The following EPHA5 variants were observed in gnomAD, a reference collection of about 807,000 sequenced individuals.
EPHA5 encodes EPH receptor A5.
EPHA5 carries 60 observed loss-of-function variants against 105.0 expected under a neutral mutation model. The ratio of observed to expected loss-of-function variants is 0.57; its 90% CI spans 0.46 to 0.71. The LOEUF is 0.71. Among genes scored for constraint, EPHA5 ranks in the 30% least tolerant of loss-of-function variants. The pLI is 0.00. For synonymous variants in EPHA5, 513 were observed against 449.1 expected (o/e 1.14, Z -1.80); for missense variants, 1,218 against 1,274.7 (o/e 0.96, Z 0.68).
chr4:65,492,857 T>A (rs1731547635), intron 4 of EPHA5, among the ~76,000 whole-genome samples: 1 of 152,164 alleles, frequency 6.6e-6, no homozygotes, highest in Non-Finnish European at 1.5e-5. Context: ...CGTGTTCTTG[T>A]TTACTATAAA....
At chr4:65,461,468 A>G (rs1001910688) in intron 5 of EPHA5, among the ~76,000 whole-genome samples, 1 of 152,070 alleles carries the variant, frequency 6.6e-6, no homozygotes, top group African/African-American at 2.4e-5. Context: ...TTTTCGATAT[A>G]CAAATTTACT....
intron 5 of EPHA5, among the ~76,000 whole-genome samples, chr4:65,458,881 G>C (rs1300931110): frequency 6.6e-6 from 1 of 151,992 alleles, no homozygotes; most frequent in Admixed American, 6.5e-5. Context: ...AATTTGAGAT[G>C]AATATCGTCA....
chr4:65,495,569 C>T (rs902017587), intron 3 of EPHA5, 26 bp from the exon 4 acceptor site: 7 of 1,592,360 alleles, frequency 4.4e-6, no homozygotes, highest in Non-Finnish European at 6.0e-6. Flanking sequence ...AGAGACTAAG[C>T]TTTTCCCTGG....
chr4:65,402,908 G>A (rs569279122), intron 8 of EPHA5, among the ~76,000 whole-genome samples: 1 of 152,256 alleles, frequency 6.6e-6, no homozygotes, highest in East Asian at 1.9e-4. Context: ...AGGGATATAG[G>A]TTGTGCATTC....
chr4:65,471,582 C>T (rs1279858276), intron 5 of EPHA5, among the ~76,000 whole-genome samples: 1 of 152,136 alleles, frequency 6.6e-6, no homozygotes, highest in African/African-American at 2.4e-5. Context: ...TACAGTTCCA[C>T]ATGGCTGGGA....
Position 65,669,578 on chromosome 4 carries a change from G to T in EPHA5, c.165C>A (p.Ala55=). Residue 55 remains alanine, a synonymous_variant, in exon 1 of 17, where the codon GCC becomes GCA. Coordinates refer to ENST00000613740, the MANE Select transcript of EPHA5 (RefSeq NM_001281766.3). ...LLCAALRTLL[A]SPSNEVNLLD... ...TCTCCCTACCTTCGTTGCTGGGGCT[G>T]GCCAGGAGGGTCCGGAGTGCGGCGC... is the stretch of plus-strand genomic sequence containing the variant. 1 of 1,425,966 alleles carries T rather than the reference G, an allele frequency of 7.0e-7. No homozygotes were observed. 88.3% of individuals were successfully genotyped at this position (1,425,966 alleles called of 1,614,324 possible).
chr4:65,577,218 C>T (rs1024633217), intron 3 of EPHA5, among the ~76,000 whole-genome samples: 1 of 152,024 alleles, frequency 6.6e-6, no homozygotes, highest in Non-Finnish European at 1.5e-5. Context: ...TTTACGGGTG[C>T]ACTTTATATT....
intron 8 of EPHA5, among the ~76,000 whole-genome samples, chr4:65,387,391 T>C (rs1329013400): frequency 2.6e-5 from 4 of 151,982 alleles, no homozygotes; most frequent in African/African-American, 9.7e-5. Flanking sequence ...ATACAGAAGT[T>C]CCTTCTCATT....
intron 1 of EPHA5, among the ~76,000 whole-genome samples, chr4:65,662,099 G>A (rs1161101319): frequency 6.6e-6 from 1 of 152,054 alleles, no homozygotes; most frequent in Non-Finnish European, 1.5e-5. Context: ...GTGGAGGATG[G>A]AAGGAGGGAG....
chr4:65,326,713 T>C (rs1222839399), intron 16 of EPHA5, among the ~76,000 whole-genome samples: 2 of 151,342 alleles, frequency 1.3e-5, no homozygotes, highest in African/African-American at 4.8e-5. Context: ...TTAAAACATG[T>C]GTTTTATCAT....
intron 3 of EPHA5, among the ~76,000 whole-genome samples, chr4:65,507,035 A>T (rs1364979151): frequency 1.3e-5 from 2 of 152,070 alleles, no homozygotes; most frequent in Non-Finnish European, 2.9e-5. Context: ...TCTTGAATTA[A>T]TTTTTTTATA....
At chr4:65,630,390 A>G (rs1746524016) in intron 2 of EPHA5, among the ~76,000 whole-genome samples, 1 of 152,138 alleles carries the variant, frequency 6.6e-6, no homozygotes. Context: ...GCACAACTCC[A>G]GTAAATACAC....
intron 1 of EPHA5, among the ~76,000 whole-genome samples, chr4:65,646,395 T>C (rs1157548174): frequency 3.3e-5 from 5 of 152,232 alleles, no homozygotes; most frequent in East Asian, 1.9e-4. Flanking sequence ...CTAATCAGCA[T>C]ACACCAGTGG....
At chr4:65,490,970 A>T (rs976816890) in intron 4 of EPHA5, among the ~76,000 whole-genome samples, 1 of 152,194 alleles carries the variant, frequency 6.6e-6, no homozygotes, top group African/African-American at 2.4e-5. Flanking sequence ...GTAAACAATT[A>T]TGGAGTAAAA....
chr4:65,392,434 T>A (rs1376415), intron 8 of EPHA5, among the ~76,000 whole-genome samples: 37,720 of 151,984 alleles, frequency 0.25, 6,262 homozygotes, highest in African/African-American at 0.47. Context: ...GAGATTAAAA[T>A]GTTTTCATAA....
At chr4:65,503,920 C>CAG (rs1451390278) in intron 3 of EPHA5, among the ~76,000 whole-genome samples, 1 of 150,918 alleles carries the variant, frequency 6.6e-6, no homozygotes, top group African/African-American at 2.4e-5. Context: ...CACACACACA[C>CAG]ACACACACAC....
chr4:65,509,394 G>T (rs952804132), intron 3 of EPHA5, among the ~76,000 whole-genome samples: 11 of 152,140 alleles, frequency 7.2e-5, no homozygotes, highest in African/African-American at 2.6e-4. Flanking sequence ...GTCTATATTT[G>T]TGTCCTAGCT....
At chr4:65,580,266 A>C (rs1324115283) in intron 3 of EPHA5, among the ~76,000 whole-genome samples, 1 of 151,898 alleles carries the variant, frequency 6.6e-6, no homozygotes, top group Non-Finnish European at 1.5e-5. Context: ...ACAGAACCAA[A>C]CAATTTTACA....
intron 5 of EPHA5, among the ~76,000 whole-genome samples, chr4:65,435,461 A>T (rs578046787): frequency 6.6e-6 from 1 of 152,274 alleles, no homozygotes; most frequent in African/African-American, 2.4e-5. Flanking sequence ...AAATCAAAAT[A>T]TTACAAGCTT....
Sources: gnomAD v4.1 joint callset for allele counts (sites outside exome capture counted in the v4.1 genomes callset) on GRCh38, gnomAD v4.1.1 for gene constraint, MANE v1.5 for transcripts, NCBI Gene and HGNC (gene_info 2026-07-23, HGNC 2026-07-21) for gene names.